Variants in MEGF8 observed in about 807,000 individuals in gnomAD.
The protein encoded by MEGF8 is multiple EGF like domains 8.
Under a neutral mutation model 302.9 loss-of-function variants are expected in MEGF8, and 156 were observed. The ratio of observed to expected loss-of-function variants is 0.52; its 90% CI spans 0.45 to 0.59. MEGF8 has a LOEUF of 0.59. Among genes scored for constraint, MEGF8 ranks in the 20% least tolerant of loss-of-function variants. MEGF8 has a pLI of 0.00. For missense variants in MEGF8, 3,345 were observed against 3,964.5 expected, an observed-to-expected ratio of 0.84 and a Z score of 4.20; for synonymous variants, 1,621 against 1,660.5, an observed-to-expected ratio of 0.98 and a Z score of 0.58.
intron 39 of MEGF8, 49 bp downstream of exon 39, chr19:42,370,408 G>A: frequency 6.8e-7 from 1 of 1,466,280 alleles, no homozygotes; most frequent in Non-Finnish European, 9.3e-7. Context: ...AGGGGCTGGG[G>A]AGCTCCTGGG....
chr19:42,347,857 T>C (rs1324905940), intron 12 of MEGF8, among the ~76,000 whole-genome samples: 1 of 152,202 alleles, frequency 6.6e-6, no homozygotes, highest in Non-Finnish European at 1.5e-5. Context: ...TGGTGAACAC[T>C]TGGACTGTTC....
rs536773914 is a variant in MEGF8, at chr19:42,333,612, C to A, written c.195C>A (p.Ser65Arg). The stretch of plus-strand genomic sequence containing the variant: ...TCTGTGCTCACCTCCCAGCCCCAAG[C>A]CCCCAGCACCGGATCCTGCTGGACT... ...GNCEWLIEAP[S>R]PQHRILLDFL... Residue 65 changes from serine (S) to arginine (R), a missense_variant, in exon 2 of 42, where the codon AGC becomes AGA. By Grantham distance (110) the Ser-to-Arg change is moderately radical. Coordinates refer to ENST00000251268, the MANE Select transcript of MEGF8 (RefSeq NM_001271938.2). 4.3e-6 allele frequency: 7 copies of A among 1,613,410 alleles called. No individual in the cohort carries two copies. In the South Asian group the frequency reaches 7.7e-5, roughly 18 times the overall value.
At position 42,357,261 on chromosome 19, in the gene MEGF8, C is replaced by A; in HGVS notation, c.4831-143C>A. 9.5e-7 allele frequency: 1 copy of A among 1,056,034 alleles called. No homozygotes were observed. The highest frequency in any genetic ancestry group is 1.4e-6 in the Non-Finnish European group (1 of 738,260). 65.4% of individuals were successfully genotyped at this position (1,056,034 alleles called of 1,614,324 possible). A position where few individuals can be genotyped will look rare whatever the true frequency, so the allele number is the denominator to read the frequency against. On this transcript the variant is annotated intron_variant, in intron 27 of 41. Transcript: ENST00000251268. The surrounding 1 kb of genome is among the most constrained non-coding windows in gnomAD (Gnocchi z 5.2). Reference sequence around the variant, plus strand: ...GGGCCCACTGTGCCTCTGCCAGGACCCAGGCTGGTCCGACTGGCCCTGGGG... The same window carrying A: ...GGGCCCACTGTGCCTCTGCCAGGACACAGGCTGGTCCGACTGGCCCTGGGG...
chr19:42,357,648 G>A lies in MEGF8; in HGVS notation c.5011+64G>A, dbSNP rs779998820. On this transcript the variant is annotated intron_variant, in intron 28 of 41. Transcript: ENST00000251268. This position sits in a 1 kb window ranked among gnomAD's most constrained non-coding sequence, Gnocchi z 5.2. ...CTCCCGGGCATCTGGGCTTCCTGTG[G>A]GCTCTCCATCCACTGCTGTGCTCTG... 1 of 1,455,420 alleles carries A rather than the reference G, an allele frequency of 6.9e-7. No individual in the cohort carries two copies. The highest frequency in any genetic ancestry group is 9.3e-7 in the Non-Finnish European group (1 of 1,079,468). 90.2% of individuals were successfully genotyped at this position (1,455,420 alleles called of 1,614,324 possible).
rs969392855 is a variant in MEGF8 at position 42,375,103 on chromosome 19, G to A, written c.7270-404G>A. Reference sequence around the variant, plus strand: ...ATCTCAGTGGTCCTGTGAGCGAGCCGTGGTTACTCCCTGTGTGCAGAGCTC... The same window carrying A: ...ATCTCAGTGGTCCTGTGAGCGAGCCATGGTTACTCCCTGTGTGCAGAGCTC... On this transcript the variant is annotated intron_variant, in intron 41 of 41. Transcript: ENST00000251268. The surrounding 1 kb of genome is among the most constrained non-coding windows in gnomAD (Gnocchi z 7.1). Among the ~76,000 whole-genome samples the A allele has an allele frequency of 6.6e-6, 1 of 152,216 alleles. No homozygotes were observed. Among genetic ancestry groups the A allele is most frequent in the Non-Finnish European group, 1.5e-5 (1 of 68,032 alleles).
chr19:42,335,480 C>A, intron 5 of MEGF8, 95 bp downstream of exon 5: 1 of 1,101,774 alleles, frequency 9.1e-7, no homozygotes, highest in South Asian at 1.4e-5. Context: ...AGTGCTCCCA[C>A]AGTTCCTGCA....
intron 32 of MEGF8, 47 bp from the exon 33 acceptor site, chr19:42,362,043 G>A: frequency 6.2e-7 from 1 of 1,602,330 alleles, no homozygotes; most frequent in African/African-American, 1.3e-5. Flanking sequence ...GAGGCAGAAG[G>A]AGGGGGTCTG....
Position 42,357,328 on chromosome 19 carries a change from G to T in MEGF8, c.4831-76G>T. The T allele has an allele frequency of 6.6e-7, 1 of 1,521,430 alleles. No homozygotes were observed. The highest frequency in any genetic ancestry group is 8.9e-7 in the Non-Finnish European group (1 of 1,117,442). 94.2% of individuals were successfully genotyped at this position (1,521,430 alleles called of 1,614,324 possible). A position where few individuals can be genotyped will look rare whatever the true frequency, so the allele number is the denominator to read the frequency against. ...AGTACTTCAGGGAGGACTGTGGGGG[G>T]CTGAGGCTCGCTTCTACCCACAAGG... is the stretch of plus-strand genomic sequence containing the variant. On this transcript the variant is annotated intron_variant, in intron 27 of 41. Transcript: ENST00000251268. The surrounding 1 kb of genome is among the most constrained non-coding windows in gnomAD (Gnocchi z 5.2).
In MEGF8 at chr19:42,352,847, C is replaced by T; in HGVS notation, c.3351-81C>T. ...AAACAGCCAGTGGCTTTGATGGTGT[C>T]ATGGTGGGTGGAGATGATGGGGTGC... On this transcript the variant is annotated intron_variant, in intron 19 of 41. Coordinates refer to ENST00000251268, the MANE Select transcript of MEGF8 (RefSeq NM_001271938.2). This position sits in a 1 kb window ranked among gnomAD's most constrained non-coding sequence, Gnocchi z 4.4. 1 of 1,063,090 alleles carries T rather than the reference C, an allele frequency of 9.4e-7. No individual in the cohort carries two copies. The highest frequency in any genetic ancestry group is 1.4e-6 in the Non-Finnish European group (1 of 718,278). The allele number at this position is 1,063,090 out of a possible 1,614,324, so 65.9% of individuals were successfully genotyped here. A position where few individuals can be genotyped will look rare whatever the true frequency, so the allele number is the denominator to read the frequency against.
At chr19:42,335,505 C>T in intron 5 of MEGF8, 120 bp downstream of exon 5, 1 of 822,710 alleles carries the variant, frequency 1.2e-6, no homozygotes, top group Non-Finnish European at 1.9e-6. Context: ...GATATAGGAA[C>T]CTACTTCTCC....
rs1226613602 is a variant in MEGF8, at chr19:42,341,029, A to C, written c.1514-2448A>C. ...TGCCCAACCTGGAGTGCAGTGGTGCAGTCATAGCCCACTGCAGCCTTGACC... is the reference window on the plus strand; with the variant it reads ...TGCCCAACCTGGAGTGCAGTGGTGCCGTCATAGCCCACTGCAGCCTTGACC... On this transcript the variant is annotated intron_variant, in intron 8 of 41. Coordinates refer to ENST00000251268, the MANE Select transcript of MEGF8 (RefSeq NM_001271938.2). Among the ~76,000 whole-genome samples, 4 of 152,122 alleles carry C rather than the reference A, an allele frequency of 2.6e-5. No individual in the cohort carries two copies. In the East Asian group the frequency reaches 7.7e-4, roughly 29 times the overall value.
chr19:42,365,732 A>G (rs1326629090), intron 35 of MEGF8, among the ~76,000 whole-genome samples: 1 of 145,560 alleles, frequency 6.9e-6, no homozygotes, highest in Non-Finnish European at 1.5e-5. Flanking sequence ...TTATTACAGC[A>G]CTGCACTCCA....
chr19:42,366,239 C>T (rs532626197), intron 35 of MEGF8, among the ~76,000 whole-genome samples: 11 of 152,240 alleles, frequency 7.2e-5, no homozygotes, highest in Non-Finnish European at 1.2e-4. Context: ...CTCGCTCTGT[C>T]GCCCAGGCTG....
chr19:42,369,355 G>C lies in MEGF8; in HGVS notation c.6642-176G>C, dbSNP rs576890196. ...AGGGTACCCTCAAAAGAGGAGAGAGGGTTGTGGGCTACACCTGGAGGGGGT... is the reference window on the plus strand; with the variant it reads ...AGGGTACCCTCAAAAGAGGAGAGAGCGTTGTGGGCTACACCTGGAGGGGGT... On this transcript the variant is annotated intron_variant, in intron 37 of 41. Coordinates refer to ENST00000251268, the MANE Select transcript of MEGF8 (RefSeq NM_001271938.2). The surrounding 1 kb of genome is among the most constrained non-coding windows in gnomAD (Gnocchi z 5.7). 6.6e-6 allele frequency among the ~76,000 whole-genome samples: 1 copy of C among 152,088 alleles called. No homozygotes were observed. The highest frequency in any genetic ancestry group is 2.4e-5 in the African/African-American group (1 of 41,480).
chr19:42,362,046 G>T (rs759070261), intron 32 of MEGF8, 44 bp from the exon 33 acceptor site: 1 of 1,603,052 alleles, frequency 6.2e-7, no homozygotes. Flanking sequence ...GCAGAAGGAG[G>T]GGGTCTGGAT....
chr19:42,373,491 C>G (rs1040331321), intron 41 of MEGF8, among the ~76,000 whole-genome samples: 2 of 152,052 alleles, frequency 1.3e-5, no homozygotes, highest in Admixed American at 1.3e-4. Flanking sequence ...ACCTCTGCCT[C>G]CCTGGTTTCC....
chr19:42,370,866 GGGGGGGAGGCC>G, intron 40 of MEGF8, 35 bp downstream of exon 40: 1 of 255,974 alleles, frequency 3.9e-6, no homozygotes, highest in Non-Finnish European at 8.3e-6. Context: ...GGGGGGGGGG[GGGGGGGAGGCC>G]GGGGATCCCA....
chr19:42,356,433 G>A lies in MEGF8; in HGVS notation c.4602G>A (p.Gly1534=). The change falls in exon 26 of 42, where the codon GGG becomes GGA. Residue 1534 remains glycine (G), a synonymous_variant. Coordinates refer to ENST00000251268, the MANE Select transcript of MEGF8 (RefSeq NM_001271938.2). This position sits in a 1 kb window ranked among gnomAD's most constrained non-coding sequence, Gnocchi z 5.2. ...TTGGGGGCCTGGGCCTGCCCCAGGGGCTGCTGGGAAACCTGTACAGGTGAG... is the reference window on the plus strand; with the variant it reads ...TTGGGGGCCTGGGCCTGCCCCAGGGACTGCTGGGAAACCTGTACAGGTGAG... ...WMFGGLGLPQ[G]LLGNLYRYSV... The A allele has an allele frequency of 1.2e-6, 2 of 1,606,422 alleles. No individual in the cohort carries two copies. Among genetic ancestry groups the A allele is most frequent in the Non-Finnish European group, 1.7e-6 (2 of 1,176,750 alleles).
intron 8 of MEGF8, 39 bp from the exon 9 acceptor site, chr19:42,343,437 TG>T: frequency 6.4e-7 from 1 of 1,552,262 alleles, no homozygotes; most frequent in Non-Finnish European, 8.8e-7. Context: ...GTGGAGGGGC[TG>T]GGGGTCTAAT....
Sources: allele counts gnomAD v4.1 joint callset (sites outside exome capture counted in the v4.1 genomes callset), GRCh38; gene constraint gnomAD v4.1.1; non-coding constraint Gnocchi (gnomAD v3.1); transcripts MANE v1.5; gene names NCBI Gene and HGNC (gene_info 2026-07-23, HGNC 2026-07-21).